ADAM32: variants seen among roughly 807,000 people sequenced by gnomAD.
ADAM32 encodes ADAM metallopeptidase domain 32, also known as disintegrin and metalloproteinase domain-containing protein 32.
In ADAM32, 89 loss-of-function variants were observed where a neutral mutation model predicts 114.9. The ratio of observed to expected loss-of-function variants is 0.77; its 90% CI spans 0.65 to 0.92. The LOEUF is 0.92. Ranked by LOEUF, ADAM32 falls within the 40% of genes least tolerant of loss-of-function variation. The pLI, the probability that ADAM32 is intolerant of heterozygous loss-of-function variation, is 0.00. For synonymous variants in ADAM32, 285 were observed against 307.5 expected (o/e 0.93, Z 0.77); for missense variants, 870 against 932.8 (o/e 0.93, Z 0.88).
chr8:39,128,640 T>G (rs796986926), intron 2 of ADAM32, among the ~76,000 whole-genome samples: 1 of 152,196 alleles, frequency 6.6e-6, no homozygotes, highest in South Asian at 2.1e-4. Flanking sequence ...AGTGTTTTTG[T>G]AGTGGCTGGT....
At chr8:39,148,634 G>A (rs561545974) in intron 4 of ADAM32, among the ~76,000 whole-genome samples, 10 of 152,044 alleles carry the variant, frequency 6.6e-5, no homozygotes, top group African/African-American at 2.4e-4. Context: ...TGTAACACCA[G>A]TGCCTAGAAA....
At chr8:39,110,039 A>G (rs1840094912) in intron 1 of ADAM32, among the ~76,000 whole-genome samples, 2 of 151,956 alleles carry the variant, frequency 1.3e-5, no homozygotes, top group Admixed American at 6.6e-5. Context: ...AGGTTCTCCC[A>G]TGCCTTTTCA....
At chr8:39,193,453 A>C (rs1187550747) in intron 11 of ADAM32, among the ~76,000 whole-genome samples, 1 of 152,128 alleles carries the variant, frequency 6.6e-6, no homozygotes, top group Non-Finnish European at 1.5e-5. Flanking sequence ...GTTCTCCTGA[A>C]TCTCAATGAT....
intron 12 of ADAM32, among the ~76,000 whole-genome samples, chr8:39,212,340 T>C (rs929275886): frequency 6.6e-6 from 1 of 152,202 alleles, no homozygotes; most frequent in Non-Finnish European, 1.5e-5. Flanking sequence ...AAAATCAATC[T>C]TATTGGGGTA....
intron 20 of ADAM32, 58 bp from the exon 21 acceptor site, chr8:39,274,254 T>C (rs1812932673): frequency 2.0e-6 from 3 of 1,536,246 alleles, no homozygotes; most frequent in African/African-American, 1.4e-5. Flanking sequence ...TTTTCATTCA[T>C]GAAGTTGGCA....
At chr8:39,246,056 AC>A (rs1212241189) in intron 16 of ADAM32, 26 bp from the exon 17 acceptor site, 2 of 1,586,374 alleles carry the variant, frequency 1.3e-6, no homozygotes, top group African/African-American at 1.3e-5. Context: ...TGACATGGGA[AC>A]TTTTTTTGTA....
At chr8:39,170,081 G>A (rs1805097200) in intron 10 of ADAM32, 84 bp downstream of exon 10, 6 of 1,049,522 alleles carry the variant, frequency 5.7e-6, no homozygotes, top group Non-Finnish European at 8.1e-6. Context: ...TACAATTTAT[G>A]TGCATGTTTC....
rs958819814 is a variant in ADAM32, at chr8:39,267,685, G to A, written c.2163-3191G>A. Reference sequence around the variant, plus strand: ...ATGAGAGCACCCCAAACAGAGGAAAGCAGGGGTTTTTATTTCTAACACAGC... The same window carrying A: ...ATGAGAGCACCCCAAACAGAGGAAAACAGGGGTTTTTATTTCTAACACAGC... On this transcript the variant is annotated intron_variant, in intron 19 of 24. Transcript: ENST00000379907. 1.4e-4 allele frequency among the ~76,000 whole-genome samples: 22 copies of A among 152,292 alleles called. No individual in the cohort carries two copies. In the East Asian group the frequency reaches 4.3e-3, roughly 29 times the overall value.
intron 19 of ADAM32, among the ~76,000 whole-genome samples, chr8:39,266,071 C>T (rs1046115437): frequency 1.3e-5 from 2 of 152,074 alleles, no homozygotes; most frequent in African/African-American, 4.8e-5. Flanking sequence ...GTGACTTGCC[C>T]CTTCTCCCAA....
intron 20 of ADAM32, among the ~76,000 whole-genome samples, chr8:39,273,592 A>G (rs1812881909): frequency 6.6e-6 from 1 of 152,190 alleles, no homozygotes; most frequent in East Asian, 1.9e-4. Flanking sequence ...ACCAGTTATT[A>G]TTATCATTAT....
chr8:39,267,604 T>A (rs1047328335), intron 19 of ADAM32, among the ~76,000 whole-genome samples: 2 of 152,200 alleles, frequency 1.3e-5, no homozygotes, highest in Admixed American at 6.5e-5. Flanking sequence ...ACAAAGGATC[T>A]CTCAGCAAGG....
chr8:39,214,174 A>G (rs964166790), intron 12 of ADAM32, among the ~76,000 whole-genome samples: 2 of 152,086 alleles, frequency 1.3e-5, no homozygotes, highest in Non-Finnish European at 2.9e-5. Context: ...CTTCGACGTA[A>G]TGATTTCCAT....
At chr8:39,175,316 G>C (rs1198212019) in intron 10 of ADAM32, among the ~76,000 whole-genome samples, 2 of 152,098 alleles carry the variant, frequency 1.3e-5, no homozygotes, top group Non-Finnish European at 2.9e-5. Flanking sequence ...CATTGGCTTT[G>C]GGTTTTCCAT....
intron 10 of ADAM32, among the ~76,000 whole-genome samples, chr8:39,186,586 T>G (rs1388534098): frequency 6.6e-6 from 1 of 152,168 alleles, no homozygotes; most frequent in East Asian, 1.9e-4. Flanking sequence ...TTAGATGAGT[T>G]GAAGATTATG....
intron 11 of ADAM32, among the ~76,000 whole-genome samples, chr8:39,203,611 G>A (rs1448380365): frequency 6.6e-6 from 1 of 152,078 alleles, no homozygotes; most frequent in Non-Finnish European, 1.5e-5. Context: ...TCTTTTAATT[G>A]GAGCATTTAG....
chr8:39,227,721 C>G (rs1334567434), intron 14 of ADAM32, among the ~76,000 whole-genome samples: 1 of 152,142 alleles, frequency 6.6e-6, no homozygotes, highest in African/African-American at 2.4e-5. Flanking sequence ...AGTCCTGCCC[C>G]CACCTGATGG....
At chr8:39,203,540 G>A (rs2129447955) in intron 11 of ADAM32, among the ~76,000 whole-genome samples, 2 of 152,236 alleles carry the variant, frequency 1.3e-5, no homozygotes, top group East Asian at 3.9e-4. Context: ...CATGGGAGAT[G>A]GGTCTCCTGA....
intron 3 of ADAM32, among the ~76,000 whole-genome samples, chr8:39,141,311 TC>T (rs1392073572): frequency 6.6e-6 from 1 of 152,248 alleles, no homozygotes; most frequent in Non-Finnish European, 1.5e-5. Flanking sequence ...TTTCCTGCTT[TC>T]TTTTGTGGGC....
intron 14 of ADAM32, among the ~76,000 whole-genome samples, chr8:39,224,922 T>C (rs1585583107): frequency 2.0e-5 from 3 of 152,222 alleles, no homozygotes; most frequent in East Asian, 3.9e-4. Context: ...ATATCTGAGA[T>C]ATATGGAGGT....
Sources: allele counts gnomAD v4.1 joint callset (sites outside exome capture counted in the v4.1 genomes callset), GRCh38; gene constraint gnomAD v4.1.1; transcripts MANE v1.5; gene names NCBI Gene and HGNC (gene_info 2026-07-23, HGNC 2026-07-21).